Variants in AFDN observed in about 807,000 individuals in gnomAD.
AFDN encodes afadin, adherens junction formation factor.
AFDN carries 68 observed loss-of-function variants against 216.6 expected under a neutral mutation model. The ratio of observed to expected loss-of-function variants is 0.31; its 90% confidence interval spans 0.26 to 0.38. The LOEUF (loss-of-function observed/expected upper bound fraction) is 0.38, where lower values mean the gene tolerates loss of function less well. Among genes scored for constraint, AFDN ranks in the 10% least tolerant of loss-of-function variants. The pLI is 1.00. For missense variants in AFDN, 2,136 were observed against 2,342.0 expected (o/e 0.91, Z 1.82); for synonymous variants, 868 against 853.7 (o/e 1.02, Z -0.29).
At chr6:167,885,182 T>C (rs142205998) in intron 6 of AFDN, among the ~76,000 whole-genome samples, 3,809 of 152,300 alleles carry the variant, frequency 0.025, 74 homozygotes, top group Non-Finnish European at 0.041. Flanking sequence ...GATTTGGTCA[T>C]CTATCCAGAC....
At chr6:167,926,525 T>C (rs1792554787) in intron 23 of AFDN, among the ~76,000 whole-genome samples, 1 of 152,198 alleles carries the variant, frequency 6.6e-6, no homozygotes, top group Non-Finnish European at 1.5e-5. Flanking sequence ...TTTGAACTCC[T>C]GGGCCAAGTG....
chr6:167,915,837 C>T (rs1470887810), intron 19 of AFDN, among the ~76,000 whole-genome samples: 1 of 152,152 alleles, frequency 6.6e-6, no homozygotes, highest in Non-Finnish European at 1.5e-5. Context: ...ATGAAATTAC[C>T]TTCAGTCTGT....
chr6:167,851,580 A>G (rs1782315076), intron 1 of AFDN, among the ~76,000 whole-genome samples: 1 of 152,190 alleles, frequency 6.6e-6, no homozygotes, highest in Non-Finnish European at 1.5e-5. Flanking sequence ...GTTCCTTTAT[A>G]TAGTGTGAAT....
chr6:167,946,745 A>G lies in AFDN; in HGVS notation c.3397A>G (p.Ser1133Gly). The part of the protein sequence containing the change: ...RRGSGKPRPK[S>G]EGFELYNNST... The stretch of plus-strand genomic sequence containing the variant: ...TGGCTCAGGTAAACCCCGACCAAAG[A>G]GTGAAGGCTTTGAGCTCTATAATAA... The change falls in exon 27 of 34, where the codon AGT becomes GGT. Residue 1133 changes from serine to glycine, a missense_variant. By Grantham distance (56) the Ser-to-Gly change is moderately conservative. Coordinates refer to ENST00000683244, the MANE Select transcript of AFDN (RefSeq NM_001386888.1). The G allele has an allele frequency of 1.2e-6, 2 of 1,614,104 alleles. No homozygotes were observed. The highest frequency in any genetic ancestry group is 1.7e-6 in the Non-Finnish European group (2 of 1,180,008).
Position 167,955,984 on chromosome 6 carries a change from G to A in AFDN, c.4833+3797G>A, listed in dbSNP as rs189399979. The stretch of plus-strand genomic sequence containing the variant: ...ACAAAAATTAGCTGGGCACAGTGGC[G>A]GGCACCTGTAATGCCAGCTACTCAG... On this transcript the variant is annotated intron_variant, in intron 30 of 33. Transcript: ENST00000683244. Among the ~76,000 whole-genome samples the A allele has an allele frequency of 6.9e-3, 1,047 of 151,682 alleles. 16 individuals are homozygous for A. The highest frequency in any genetic ancestry group is 0.024 in the African/African-American group (994 of 41,380).
At chr6:167,829,680 T>G (rs536187518) in intron 1 of AFDN, among the ~76,000 whole-genome samples, 3 of 147,742 alleles carry the variant, frequency 2.0e-5, no homozygotes, top group African/African-American at 7.4e-5. Flanking sequence ...TCTTTTGTTG[T>G]TTTTTTTTTG....
chr6:167,887,443 CTT>C (rs1233534960), intron 6 of AFDN, among the ~76,000 whole-genome samples: 10 of 126,084 alleles, frequency 7.9e-5, no homozygotes, highest in African/African-American at 2.7e-4. Context: ...CTCAGCTTGC[CTT>C]TTTTTTTTTT....
Position 167,946,774 on chromosome 6 carries a change from A to T in AFDN, c.3426A>T (p.Ser1142=), listed in dbSNP as rs1795313894. ...KSEGFELYNN[S]TQNGSPESPQ... is the part of the protein sequence containing the mutation. ...AAGGCTTTGAGCTCTATAATAATTCAACTCAAAATGGGTCTCCTGAGAGTC... is the reference window on the plus strand; with the variant it reads ...AAGGCTTTGAGCTCTATAATAATTCTACTCAAAATGGGTCTCCTGAGAGTC... Residue 1142 remains serine, a synonymous_variant, in exon 27 of 34, where the codon TCA becomes TCT. Transcript: ENST00000683244. 1.2e-6 allele frequency: 2 copies of T among 1,613,858 alleles called. No individual in the cohort carries two copies. Among genetic ancestry groups the T allele is most frequent in the Non-Finnish European group, 1.7e-6 (2 of 1,179,960 alleles).
chr6:167,834,436 T>TTTG (rs201723927), intron 1 of AFDN, among the ~76,000 whole-genome samples: 24 of 151,298 alleles, frequency 1.6e-4, no homozygotes, highest in African/African-American at 3.6e-4. Context: ...TGGAATGATT[T>TTTG]TTGTTGTTGT....
chr6:167,855,034 T>G (rs1782740055), intron 1 of AFDN, among the ~76,000 whole-genome samples: 1 of 151,978 alleles, frequency 6.6e-6, no homozygotes, highest in East Asian at 1.9e-4. Flanking sequence ...GAAATTCTGT[T>G]TTGAAAAACA....
intron 30 of AFDN, among the ~76,000 whole-genome samples, chr6:167,961,869 G>A (rs570928271): frequency 1.3e-5 from 2 of 152,300 alleles, no homozygotes; most frequent in South Asian, 4.1e-4. Context: ...GGAGCTGATG[G>A]TAAAGGGCAG....
chr6:167,861,279 ATTC>A (rs1562567133), intron 1 of AFDN, among the ~76,000 whole-genome samples: 1 of 152,256 alleles, frequency 6.6e-6, no homozygotes, highest in Non-Finnish European at 1.5e-5. Context: ...GTATTAATAC[ATTC>A]TTGTGTGATG....
At chr6:167,921,209 C>T (rs1791749548) in intron 21 of AFDN, among the ~76,000 whole-genome samples, 1 of 152,204 alleles carries the variant, frequency 6.6e-6, no homozygotes, top group Non-Finnish European at 1.5e-5. Context: ...GTCACATGTG[C>T]CATAGGGCGG....
At chr6:167,891,407 G>GTCT (rs1554293363) in intron 8 of AFDN, among the ~76,000 whole-genome samples, 3 of 60,316 alleles carry the variant, frequency 5.0e-5, no homozygotes, top group African/African-American at 1.0e-4. Flanking sequence ...ATAAAGGGGT[G>GTCT]GGTGTGTGTG....
rs567978595 is a variant in AFDN, at chr6:167,953,638, A to G, written c.4833+1451A>G. Among the ~76,000 whole-genome samples, 6 of 152,342 alleles carry G rather than the reference A, an allele frequency of 3.9e-5. No individual in the cohort carries two copies. In the East Asian group the frequency reaches 7.7e-4, roughly 20 times the overall value. On this transcript the variant is annotated intron_variant, in intron 30 of 33. Transcript: ENST00000683244. ...TTTTATTTGAAAAACCAACCACTAC[A>G]TTAATAGCTATTTTACTTTAAAAGT...
chr6:167,839,642 A>G lies in AFDN; in HGVS notation c.105+12405A>G, dbSNP rs1048428828. ...CTTGACGTTGACTCCTAGCCCTCCCACTCAGTACATGTGTTCCTTTCTGTC... is the reference window on the plus strand; with the variant it reads ...CTTGACGTTGACTCCTAGCCCTCCCGCTCAGTACATGTGTTCCTTTCTGTC... On this transcript the variant is annotated intron_variant, in intron 1 of 33. Transcript: ENST00000683244. Among the ~76,000 whole-genome samples, 12 of 151,930 alleles carry G rather than the reference A, an allele frequency of 7.9e-5. No homozygotes were observed. The East Asian group carries it at 2.3e-3, about 29-fold the overall frequency.
chr6:167,827,951 T>C (rs1362579373), intron 1 of AFDN: 2 of 152,170 alleles, frequency 1.3e-5, no homozygotes, highest in Non-Finnish European at 2.9e-5. Context: ...GGGGGTTGTT[T>C]ATAGCAAAGC....
chr6:167,934,943 A>G (rs1256372322), intron 23 of AFDN, among the ~76,000 whole-genome samples: 1 of 152,134 alleles, frequency 6.6e-6, no homozygotes, highest in Non-Finnish European at 1.5e-5. Flanking sequence ...TTCTCATCGG[A>G]TGTACAAAGC....
intron 23 of AFDN, among the ~76,000 whole-genome samples, chr6:167,937,170 A>G (rs1293568218): frequency 6.6e-6 from 1 of 152,212 alleles, no homozygotes; most frequent in Non-Finnish European, 1.5e-5. Context: ...TCCATGAAGC[A>G]GAGCAGTCCG....
Sources: gnomAD v4.1 joint callset for allele counts (sites outside exome capture counted in the v4.1 genomes callset) on GRCh38, gnomAD v4.1.1 for gene constraint, MANE v1.5 for transcripts, NCBI Gene and HGNC (gene_info 2026-07-23, HGNC 2026-07-21) for gene names.